The following CASP2 variants were observed in gnomAD, a reference collection of about 807,000 sequenced individuals.
CASP2 encodes caspase-2.
A neutral mutation model predicts 54.4 loss-of-function variants in CASP2; 38 were observed. That is an observed-to-expected ratio of 0.70 (90% confidence interval 0.54 to 0.92). The LOEUF is 0.92. CASP2 is among the 40% of genes least tolerant of loss of function. The pLI, the probability that CASP2 is intolerant of heterozygous loss-of-function variation, is 0.00. For missense variants in CASP2, 512 were observed against 579.6 expected, an observed-to-expected ratio of 0.88 and a Z score of 1.20; for synonymous variants, 215 against 216.3, an observed-to-expected ratio of 0.99 and a Z score of 0.05.
intron 8 of CASP2, chr7:143,301,050 A>C: frequency 8.3e-6 from 3 of 359,418 alleles, no homozygotes; most frequent in Non-Finnish European, 1.2e-5. Flanking sequence ...CCTCCATCTC[A>C]GTTTCCTCAA....
intron 1 of CASP2, among the ~76,000 whole-genome samples, chr7:143,290,405 A>G (rs1220842801): frequency 1.3e-5 from 2 of 152,052 alleles, no homozygotes; most frequent in Non-Finnish European, 2.9e-5. Context: ...TGCATTTTAG[A>G]GTAGGTTTTT....
At chr7:143,300,325 G>A in intron 8 of CASP2, 31 bp downstream of exon 8, 4 of 1,610,982 alleles carry the variant, frequency 2.5e-6, no homozygotes, top group Non-Finnish European at 3.4e-6. Flanking sequence ...GCACCTGGGT[G>A]GTGGCTCCTG....
chr7:143,291,727 TG>T (rs532337629), intron 2 of CASP2, 37 bp downstream of exon 2: 134 of 1,569,208 alleles, frequency 8.5e-5, no homozygotes, highest in Non-Finnish European at 1.1e-4. Context: ...AAATTGATCA[TG>T]GGGTGGGAAT....
chr7:143,291,443 CT>C, intron 1 of CASP2, 96 bp from the exon 2 acceptor site: 2 of 1,216,558 alleles, frequency 1.6e-6, no homozygotes, highest in Non-Finnish European at 2.4e-6. Flanking sequence ...TATTGTAAGT[CT>C]TATTCTTTTT....
intron 1 of CASP2, chr7:143,289,657 G>A (rs1306099639): frequency 1.0e-6 from 1 of 968,296 alleles, no homozygotes; most frequent in Non-Finnish European, 1.2e-6. Context: ...TGCACCACTG[G>A]TTAGTATCCC....
intron 9 of CASP2, among the ~76,000 whole-genome samples, chr7:143,304,305 G>T (rs1802004573): frequency 6.6e-6 from 1 of 152,060 alleles, no homozygotes; most frequent in African/African-American, 2.4e-5. Flanking sequence ...TTTTCTATTG[G>T]CATGCCTCTG....
At chr7:143,301,632 T>C (rs1308996126) in intron 8 of CASP2, 2 of 152,118 alleles carry the variant, frequency 1.3e-5, no homozygotes, top group Non-Finnish European at 2.9e-5. Context: ...CCTGGAGTAA[T>C]TTGATTTACA....
chr7:143,301,938 G>T (rs558461511), intron 8 of CASP2: 5 of 152,248 alleles, frequency 3.3e-5, no homozygotes, highest in Non-Finnish European at 1.5e-5. Flanking sequence ...CAGCAAGGTT[G>T]CCATGGAGGG....
chr7:143,291,311 C>T (rs1801549890), intron 1 of CASP2, among the ~76,000 whole-genome samples: 1 of 152,198 alleles, frequency 6.6e-6, no homozygotes, highest in Admixed American at 6.5e-5. Flanking sequence ...GACCATTCAT[C>T]TCAGATGATC....
chr7:143,294,340 A>G lies in CASP2; in HGVS notation c.570+16A>G. On this transcript the variant is annotated intron_variant, in intron 5 of 10. Coordinates refer to ENST00000310447, the MANE Select transcript of CASP2 (RefSeq NM_032982.4). ...CTTCCAGCTGGTGAGTTTTTGCATA[A>G]TGACAAGAGGAAGAGAGTTGGGAAA... is the stretch of plus-strand genomic sequence containing the variant. The G allele has an allele frequency of 6.5e-7, 1 of 1,549,376 alleles. No homozygotes were observed. The highest frequency in any genetic ancestry group is 2.2e-5 in the East Asian group (1 of 44,604).
chr7:143,301,303 G>A (rs147457545), intron 8 of CASP2: 1 of 151,998 alleles, frequency 6.6e-6, no homozygotes, highest in East Asian at 1.9e-4. Context: ...AATGTAAATA[G>A]CTAATATTAT....
Position 143,299,969 on chromosome 7 carries a change from G to C in CASP2, c.794G>C (p.Arg265Pro). The C allele has an allele frequency of 6.2e-7, 1 of 1,614,136 alleles. No individual in the cohort carries two copies. The highest frequency in any genetic ancestry group is 8.5e-7 in the Non-Finnish European group (1 of 1,180,022). The change falls in exon 7 of 11, where the codon CGA becomes CCA. Residue 265 changes from arginine (R) to proline (P), a missense_variant. Coordinates refer to ENST00000310447, the MANE Select transcript of CASP2 (RefSeq NM_032982.4). ...AATTTTGCACAGTTACCTGCACACC[G>C]AGTCACGGACTCCTGCATCGTGGCA... ...LQNFAQLPAH[R>P]VTDSCIVALL... is the part of the protein sequence containing the mutation.
At chr7:143,294,449 A>C in intron 5 of CASP2, 125 bp downstream of exon 5, 1 of 1,027,784 alleles carries the variant, frequency 9.7e-7, no homozygotes, top group South Asian at 1.3e-5. Context: ...GTTACTGGTT[A>C]AATGCCTTCT....
intron 4 of CASP2, among the ~76,000 whole-genome samples, chr7:143,293,789 C>T (rs929338389): frequency 2.0e-5 from 3 of 152,178 alleles, no homozygotes; most frequent in African/African-American, 7.2e-5. Flanking sequence ...GCGCCCGGCC[C>T]AGGCAAGGTG....
intron 4 of CASP2, 62 bp from the exon 5 acceptor site, chr7:143,294,162 TACAATG>T: frequency 1.1e-6 from 1 of 891,482 alleles, no homozygotes; most frequent in Admixed American, 1.7e-5. Flanking sequence ...TGTCTGAAGT[TACAATG>T]ACATATTAAG....
rs1354491096 is a variant in CASP2 at position 143,288,388 on chromosome 7, G to A, written c.-68G>A. 1 of 1,508,190 alleles carries A rather than the reference G, an allele frequency of 6.6e-7. No individual in the cohort carries two copies. The highest frequency in any genetic ancestry group is 9.2e-7 in the Non-Finnish European group (1 of 1,092,726). The allele number at this position is 1,508,190 out of a possible 1,614,324, so 93.4% of individuals were successfully genotyped here. ...CGCGTCTGAGGGGAGGGATGTGGGG[G>A]AAGCGACGGCCCCCGGTTTGTTTGG... On this transcript the variant is annotated 5_prime_UTR_variant, in exon 1 of 11. Transcript: ENST00000310447.
chr7:143,298,023 C>T (rs867190443), intron 6 of CASP2, among the ~76,000 whole-genome samples: 2 of 152,216 alleles, frequency 1.3e-5, no homozygotes. Flanking sequence ...CAATTATCTA[C>T]AAACAGAAGT....
At chr7:143,288,624 G>A (rs1801455798) in intron 1 of CASP2, 95 bp downstream of exon 1, 1 of 1,148,436 alleles carries the variant, frequency 8.7e-7, no homozygotes, top group Non-Finnish European at 1.3e-6. Flanking sequence ...TCCCCTCGGA[G>A]CCCCGGAAAG....
intron 1 of CASP2, 109 bp from the exon 2 acceptor site, chr7:143,291,431 G>T (rs1289341244): frequency 1.2e-5 from 13 of 1,080,282 alleles, no homozygotes; most frequent in Non-Finnish European, 1.7e-5. Flanking sequence ...CATAATCTTG[G>T]TTATTGTAAG....
Sources: gnomAD v4.1 joint callset for allele counts (sites outside exome capture counted in the v4.1 genomes callset) on GRCh38, gnomAD v4.1.1 for gene constraint, MANE v1.5 for transcripts, NCBI Gene and HGNC (gene_info 2026-07-23, HGNC 2026-07-21) for gene names.